RREB1: variants seen among roughly 807,000 people sequenced by gnomAD.
RREB1 encodes ras responsive element binding protein 1.
RREB1 carries 27 observed loss-of-function variants against 117.8 expected under a neutral mutation model. The ratio of observed to expected loss-of-function variants is 0.23; its 90% CI spans 0.17 to 0.32. The LOEUF (loss-of-function observed/expected upper bound fraction) is 0.32. RREB1 is among the 10% of genes least tolerant of loss of function. The pLI, the probability that RREB1 is intolerant of heterozygous loss-of-function variation, is 1.00. For synonymous variants in RREB1, 1,298 were observed against 1,026.7 expected (o/e 1.26, Z -5.05); for missense variants, 2,577 against 2,378.2 (o/e 1.08, Z -1.74).
chr6:7,216,037 T>C (rs1202930896), intron 8 of RREB1: 1 of 152,252 alleles, frequency 6.6e-6, no homozygotes, highest in Non-Finnish European at 1.5e-5. Context: ...TGTGTAATCT[T>C]AGATGGCCCC....
chr6:7,130,741 C>A (rs1305575249), intron 1 of RREB1, among the ~76,000 whole-genome samples: 2 of 151,254 alleles, frequency 1.3e-5, no homozygotes, highest in Non-Finnish European at 2.9e-5. Flanking sequence ...CTTAGTCTCC[C>A]GAGTAGCTGG....
chr6:7,234,191 G>C (rs1322141215), intron 10 of RREB1, among the ~76,000 whole-genome samples: 1 of 152,212 alleles, frequency 6.6e-6, no homozygotes, highest in Non-Finnish European at 1.5e-5. Flanking sequence ...GGAAGAAAAT[G>C]CATCTTCAAG....
intron 11 of RREB1, among the ~76,000 whole-genome samples, chr6:7,246,097 A>G (rs932568233): frequency 2.6e-5 from 4 of 151,992 alleles, no homozygotes; most frequent in African/African-American, 9.7e-5. Context: ...CCCCTCTCCT[A>G]TCTCGCAGCC....
Position 7,248,868 on chromosome 6 carries a change from C to T in RREB1, c.5129C>T (p.Ala1710Val), listed in dbSNP as rs780003213. ...GQGDLNPESPAALGQDLLEPR... is the reference protein window; with the variant it reads ...GQGDLNPESPVALGQDLLEPR... ...GGTGACCTTAACCCAGAGAGCCCGG[C>T]GGCCCTGGGGCAGGACCTGCTGGAG... Residue 1710 changes from alanine (A) to valine (V), a missense_variant, in exon 13 of 13, where the codon GCG becomes GTG. Transcript: ENST00000379938. 1.0e-5 allele frequency: 16 copies of T among 1,597,196 alleles called. No individual in the cohort carries two copies. Among genetic ancestry groups the T allele is most frequent in the Admixed American group, 3.5e-5 (2 of 57,598 alleles).
At chr6:7,158,409 C>G (rs188644730) in intron 1 of RREB1, among the ~76,000 whole-genome samples, 12 of 152,142 alleles carry the variant, frequency 7.9e-5, no homozygotes, top group Middle Eastern at 3.2e-3. Flanking sequence ...GCCTACACCC[C>G]CTACTGCCCC....
At chr6:7,190,203 ACTG>A (rs1356038541) in intron 6 of RREB1, among the ~76,000 whole-genome samples, 1 of 152,190 alleles carries the variant, frequency 6.6e-6, no homozygotes, top group Non-Finnish European at 1.5e-5. Context: ...TCAAGTCTCA[ACTG>A]CTACTTGTAA....
Position 7,240,422 on chromosome 6 carries a change from T to G in RREB1, c.3809-16T>G. On this transcript the variant is annotated splice_polypyrimidine_tract_variant and intron_variant, in intron 10 of 12. Transcript: ENST00000379938. Reference sequence around the variant, plus strand: ...GTAGAAAGCCAGATAAATATATATTTTTTTTCCTGCTTCAGGTCAGAAACC... The same window carrying G: ...GTAGAAAGCCAGATAAATATATATTGTTTTTCCTGCTTCAGGTCAGAAACC... 1 of 1,599,262 alleles carries G rather than the reference T, an allele frequency of 6.3e-7. No individual in the cohort carries two copies. The highest frequency in any genetic ancestry group is 1.1e-5 in the South Asian group (1 of 88,884).
chr6:7,210,773 A>G (rs769320647), intron 6 of RREB1, 31 bp from the exon 7 acceptor site: 1 of 1,576,800 alleles, frequency 6.3e-7, no homozygotes, highest in Non-Finnish European at 8.6e-7. Flanking sequence ...TCTTTGTTAG[A>G]TCACATTGTG....
At position 7,181,157 on chromosome 6, in the gene RREB1, A is replaced by G. The variant is rs535108991; in HGVS notation, c.-132A>G. ...AGTACTACCAAGAGAAGAAGACAAG[A>G]GGTCAACACAGACTCATTTTCTACT... On this transcript the variant is annotated 5_prime_UTR_variant, in exon 3 of 13. Transcript: ENST00000379938. The G allele has an allele frequency of 1.5e-5, 6 of 398,590 alleles. No homozygotes were observed. The Admixed American group carries it at 2.2e-4, about 15-fold the overall frequency. 24.7% of individuals were successfully genotyped at this position (398,590 alleles called of 1,614,324 possible).
At chr6:7,110,145 T>C (rs1292174641) in intron 1 of RREB1, among the ~76,000 whole-genome samples, 3 of 152,202 alleles carry the variant, frequency 2.0e-5, no homozygotes, top group African/African-American at 7.2e-5. Context: ...ACCCTGCATG[T>C]GTGCGAGTTG....
rs373563472 is a variant in RREB1, at chr6:7,228,960, A to G, written c.898-37A>G. On this transcript the variant is annotated intron_variant, in intron 9 of 12. Coordinates refer to ENST00000379938, the MANE Select transcript of RREB1 (RefSeq NM_001003699.4). Reference sequence around the variant, plus strand: ...TAGTGATTATTTTTTCAATCTTCACATGTGTTCCCTTGCTTTTACCGGTGG... The same window carrying G: ...TAGTGATTATTTTTTCAATCTTCACGTGTGTTCCCTTGCTTTTACCGGTGG... 15 of 1,471,948 alleles carry G rather than the reference A, an allele frequency of 1.0e-5. No homozygotes were observed. In the African/African-American group the frequency reaches 1.7e-4, roughly 17 times the overall value. The allele number at this position is 1,471,948 out of a possible 1,614,324, so 91.2% of individuals were successfully genotyped here.
In RREB1 at chr6:7,248,512, G is replaced by C. The variant is rs375341836; in HGVS notation, c.4773G>C (p.Gly1591=). Residue 1591 remains glycine (G), a splice_region_variant and synonymous_variant, in exon 13 of 13, where the codon GGG becomes GGC. Transcript: ENST00000379938. ...DLTRHMRSHT[G]ERPYKCQTCE... ...AAATTCTTTCTTCCATTGTTCCAGG[G>C]GAAAGGCCATACAAATGTCAGACCT... The C allele has an allele frequency of 1.2e-6, 2 of 1,613,852 alleles. No individual in the cohort carries two copies. The highest frequency in any genetic ancestry group is 8.5e-7 in the Non-Finnish European group (1 of 1,179,736).
chr6:7,203,599 T>C (rs1561778882), intron 6 of RREB1, among the ~76,000 whole-genome samples: 1 of 152,154 alleles, frequency 6.6e-6, no homozygotes, highest in Non-Finnish European at 1.5e-5. Flanking sequence ...GCCGTGGAGA[T>C]TGAGAGTCCA....
intron 1 of RREB1, among the ~76,000 whole-genome samples, chr6:7,167,911 T>C (rs1350093762): frequency 6.6e-6 from 1 of 152,152 alleles, no homozygotes; most frequent in African/African-American, 2.4e-5. Context: ...GAACTGAGGC[T>C]CAGAGTTCGG....
At chr6:7,165,883 C>T (rs1763905228) in intron 1 of RREB1, among the ~76,000 whole-genome samples, 1 of 151,940 alleles carries the variant, frequency 6.6e-6, no homozygotes, top group Non-Finnish European at 1.5e-5. Flanking sequence ...AGTTTGGGGG[C>T]TTGCAAAGGG....
At chr6:7,165,151 C>T (rs937051270) in intron 1 of RREB1, among the ~76,000 whole-genome samples, 9 of 152,106 alleles carry the variant, frequency 5.9e-5, no homozygotes, top group Admixed American at 2.0e-4. Context: ...CAATGGATGC[C>T]GGGTAGGTGT....
At chr6:7,139,293 ATGTT>A in intron 1 of RREB1, 1 of 152,320 alleles carries the variant, frequency 6.6e-6, no homozygotes, top group Admixed American at 6.5e-5. Context: ...GTGTATGTAT[ATGTT>A]TGTAAGTTGA....
At chr6:7,201,491 T>C (rs921193227) in intron 6 of RREB1, among the ~76,000 whole-genome samples, 9 of 149,208 alleles carry the variant, frequency 6.0e-5, no homozygotes, top group South Asian at 2.2e-4. Context: ...AGTGGCAACA[T>C]TGTCCCCCCC....
At chr6:7,113,847 G>A (rs544074532) in intron 1 of RREB1, among the ~76,000 whole-genome samples, 44 of 152,308 alleles carry the variant, frequency 2.9e-4, no homozygotes, top group African/African-American at 1.0e-3. Context: ...GAACTGTGAT[G>A]ACATGTATCT....
Sources: allele counts gnomAD v4.1 joint callset (sites outside exome capture counted in the v4.1 genomes callset), GRCh38; gene constraint gnomAD v4.1.1; transcripts MANE v1.5; gene names NCBI Gene and HGNC (gene_info 2026-07-23, HGNC 2026-07-21).